Variants in ZNF705G observed in about 807,000 individuals in gnomAD.
ZNF705G encodes zinc finger protein 705G, also known as putative zinc finger protein 705G.
In ZNF705G, 23 loss-of-function variants were observed where a neutral mutation model predicts 19.6. The ratio of observed to expected loss-of-function variants is 1.17; its 90% CI spans 0.84 to 1.66. The LOEUF is 1.66. ZNF705G is among the 40% of genes most tolerant of loss of function. The probability of loss-of-function intolerance (pLI) is 0.00; values close to 1 mark genes in which losing one functional copy is unlikely to be tolerated. For missense variants in ZNF705G, 457 were observed against 354.4 expected, an observed-to-expected ratio of 1.29 and a Z score of -2.32; for synonymous variants, 146 against 117.7, an observed-to-expected ratio of 1.24 and a Z score of -1.56.
At chr8:7,381,026 C>A (rs866722000) in intron 2 of ZNF705G, among the ~76,000 whole-genome samples, 1,436 of 12,298 alleles carry the variant, frequency 0.12, 431 homozygotes, top group Middle Eastern at 0.36. Flanking sequence ...AAACCACCAC[C>A]AAAAAAAAAA....
At position 7,367,621 on chromosome 8, in the gene ZNF705G, C is replaced by G. The variant is rs527535431; in HGVS notation, c.-71-4604G>C. Among the ~76,000 whole-genome samples the G allele has an allele frequency of 9.4e-5, 14 of 149,646 alleles. 1 individual carries two copies. The South Asian group carries it at 1.9e-3, about 20-fold the overall frequency. On this transcript the variant is annotated intron_variant, in intron 2 of 6. Coordinates refer to ENST00000400156, the MANE Select transcript of ZNF705G (RefSeq NM_001164457.3). ...AATCACGGGAAAGAGGAAAACCCAA[C>G]GCAGGATCAAGGTTAAAGGCTCTTC...
At chr8:7,370,243 C>A (rs374121212) in intron 2 of ZNF705G, among the ~76,000 whole-genome samples, 6 of 144,842 alleles carry the variant, frequency 4.1e-5, no homozygotes, top group Non-Finnish European at 8.9e-5. Flanking sequence ...TGCACTCCAG[C>A]CTGTGTGACA....
At position 7,367,445 on chromosome 8, in the gene ZNF705G, G is replaced by C. The variant is rs1462033322; in HGVS notation, c.-71-4428C>G. 2.7e-5 allele frequency among the ~76,000 whole-genome samples: 4 copies of C among 149,486 alleles called. 1 individual carries two copies. Among genetic ancestry groups the C allele is most frequent in the African/African-American group, 1.0e-4 (4 of 38,888 alleles). ...GCGTGCATGTTAAGAGACAAAAATG[G>C]CAAAGCATAATCTTCCGGGGGCACG... On this transcript the variant is annotated intron_variant, in intron 2 of 6. Coordinates refer to ENST00000400156, the MANE Select transcript of ZNF705G (RefSeq NM_001164457.3).
chr8:7,376,349 T>A (rs1435141421), intron 2 of ZNF705G, among the ~76,000 whole-genome samples: 1 of 94,000 alleles, frequency 1.1e-5, no homozygotes, highest in East Asian at 3.5e-4. Flanking sequence ...ATCGCTGTAC[T>A]GATTGAAAGC....
rs1806325836 is a variant in ZNF705G at position 7,357,439 on chromosome 8, A to G, written c.*537T>C. On this transcript the variant is annotated 3_prime_UTR_variant, in exon 7 of 7. Coordinates refer to ENST00000400156, the MANE Select transcript of ZNF705G (RefSeq NM_001164457.3). ...AAAATACAAATAAAGGGTTCATCCA[A>G]GTAAAGTTTTCTCATGTTATTTGAC... 2 of 166,580 alleles carry G rather than the reference A, an allele frequency of 1.2e-5. 1 individual carries two copies. The highest frequency in any genetic ancestry group is 5.1e-5 in the African/African-American group (2 of 39,272). 10.3% of individuals were successfully genotyped at this position (166,580 alleles called of 1,614,324 possible). A position where few individuals can be genotyped will look rare whatever the true frequency, so the allele number is the denominator to read the frequency against.
chr8:7,357,900 G>A lies in ZNF705G; in HGVS notation c.*76C>T, dbSNP rs924018741. On this transcript the variant is annotated 3_prime_UTR_variant, in exon 7 of 7. Transcript: ENST00000400156. ...GGGTGAATTTTCTGATGCTCTTTAA[G>A]ATTAGTACATTGTCTGAAGGCTTTC... 1.9e-6 allele frequency: 3 copies of A among 1,590,628 alleles called. No homozygotes were observed. Among genetic ancestry groups the A allele is most frequent in the African/African-American group, 2.9e-5 (2 of 68,378 alleles).
chr8:7,362,029 C>T (rs1202533619), intron 3 of ZNF705G, among the ~76,000 whole-genome samples: 1 of 149,516 alleles, frequency 6.7e-6, no homozygotes, highest in Non-Finnish European at 1.5e-5. Flanking sequence ...GCTTTCTGTT[C>T]TCAACTTTCT....
At chr8:7,365,477 C>G (rs1266280175) in intron 2 of ZNF705G, among the ~76,000 whole-genome samples, 4 of 146,948 alleles carry the variant, frequency 2.7e-5, no homozygotes, top group Admixed American at 1.3e-4. Flanking sequence ...CTCCCGGGTT[C>G]AAGCAATTCT....
At chr8:7,364,068 G>T (rs1246705244) in intron 2 of ZNF705G, among the ~76,000 whole-genome samples, 2 of 149,388 alleles carry the variant, frequency 1.3e-5, no homozygotes, top group Non-Finnish European at 2.9e-5. Flanking sequence ...TACTAACGTG[G>T]TATCTAAAAT....
chr8:7,366,832 C>T (rs9314627), intron 2 of ZNF705G, among the ~76,000 whole-genome samples: 54,645 of 146,780 alleles, frequency 0.37, 5,391 homozygotes, highest in African/African-American at 0.5. Context: ...ATGCCCAACA[C>T]GATTTTCTGT....
Position 7,358,431 on chromosome 8 carries a change from C to T in ZNF705G, c.448G>A (p.Gly150Arg). 6.2e-7 allele frequency: 1 copy of T among 1,607,610 alleles called. No homozygotes were observed. Among genetic ancestry groups the T allele is most frequent in the Non-Finnish European group, 8.5e-7 (1 of 1,179,592 alleles). Residue 150 changes from glycine to arginine, a missense_variant, in exon 7 of 7, where the codon GGA becomes AGA. Transcript: ENST00000400156. ...GACAAAAGATTACGAAGGGATTTTCCACACTGTTTGCTGACATAGGGTTTC... is the reference window on the plus strand; with the variant it reads ...GACAAAAGATTACGAAGGGATTTTCTACACTGTTTGCTGACATAGGGTTTC... ...GKKPYVSKQC[G>R]KSLRNLLSTE...
intron 2 of ZNF705G, among the ~76,000 whole-genome samples, chr8:7,365,687 C>A (rs1210524159): frequency 1.3e-5 from 2 of 149,468 alleles, no homozygotes; most frequent in African/African-American, 5.1e-5. Context: ...CTTAAAAAGT[C>A]AAGAGGAAGG....
chr8:7,361,241 A>G lies in ZNF705G; in HGVS notation c.13-5T>C, dbSNP rs1427803961. ...ATCTTCAAAAGTCAGTTTCTTCTAA[A>G]ACATCACAGACATTTTAGTTTAGAC... is the stretch of plus-strand genomic sequence containing the variant. On this transcript the variant is annotated splice_region_variant and splice_polypyrimidine_tract_variant and intron_variant, in intron 3 of 6. Transcript: ENST00000400156. 9 of 1,592,416 alleles carry G rather than the reference A, an allele frequency of 5.7e-6. No individual in the cohort carries two copies. Among genetic ancestry groups the G allele is most frequent in the African/African-American group, 1.4e-5 (1 of 70,812 alleles).
rs1806203552 is a variant in ZNF705G, at chr8:7,355,948, T to C, written c.*2028A>G. 2 of 149,666 alleles carry C rather than the reference T, an allele frequency of 1.3e-5. No homozygotes were observed. Among genetic ancestry groups the C allele is most frequent in the Non-Finnish European group, 2.9e-5 (2 of 68,038 alleles). The allele number at this position is 149,666 out of a possible 1,614,324, so 9.3% of individuals were successfully genotyped here. ...AATCACTTGTAGAGATTTTAAAATA[T>C]AATGATGTGTCAACTTCAACCATGG... On this transcript the variant is annotated 3_prime_UTR_variant, in exon 7 of 7. Transcript: ENST00000400156.
chr8:7,358,367 G>A lies in ZNF705G; in HGVS notation c.512C>T (p.Ser171Leu), dbSNP rs1165915240. ...CTTTTCACATAGATTACACTGATAT[G>A]ATTTACCTTTAGTATGAATTTGTTT... ...PHKQIHTKGK[S>L]YQCNLCEKAY... Residue 171 changes from serine to leucine, a missense_variant, in exon 7 of 7, where the codon TCA becomes TTA. Transcript: ENST00000400156. 1 of 1,607,602 alleles carries A rather than the reference G, an allele frequency of 6.2e-7. No individual in the cohort carries two copies. Among genetic ancestry groups the A allele is most frequent in the Non-Finnish European group, 8.5e-7 (1 of 1,179,616 alleles).
At chr8:7,361,887 T>C (rs1312249252) in intron 3 of ZNF705G, among the ~76,000 whole-genome samples, 12 of 149,354 alleles carry the variant, frequency 8.0e-5, no homozygotes, top group South Asian at 4.2e-4. Context: ...TCAATTCATA[T>C]ATATAGTCTC....
rs575967862 is a variant in ZNF705G at position 7,362,194 on chromosome 8, A to G, written c.12+741T>C. 3.6e-3 allele frequency among the ~76,000 whole-genome samples: 545 copies of G among 149,706 alleles called. 62 individuals carry two copies. The highest frequency in any genetic ancestry group is 0.013 in the African/African-American group (495 of 39,118). On this transcript the variant is annotated intron_variant, in intron 3 of 6. Transcript: ENST00000400156. ...AACCCTAAATTGTACTCTATCTACT[A>G]TATTCCTTCTTCTGAGTGTGCAACC...
chr8:7,383,959 G>A lies in ZNF705G; in HGVS notation c.-222+1539C>T, dbSNP rs576909938. ...GAAGGAAGGCAGGGAGGAAACTCAG[G>A]GATGCATACCTTTCGACCTCTCTAA... On this transcript the variant is annotated intron_variant, in intron 1 of 6. Coordinates refer to ENST00000400156, the MANE Select transcript of ZNF705G (RefSeq NM_001164457.3). 1.9e-3 allele frequency among the ~76,000 whole-genome samples: 264 copies of A among 140,878 alleles called. 1 individual carries two copies. Among genetic ancestry groups the A allele is most frequent in the East Asian group, 0.017 (86 of 5,080 alleles). The allele number at this position is 140,878 out of a possible 152,430, so 92.4% of individuals were successfully genotyped here.
In ZNF705G at chr8:7,362,956, C is replaced by A. The variant is rs757392331; in HGVS notation, c.-10G>T. 6.3e-7 allele frequency: 1 copy of A among 1,590,762 alleles called. No homozygotes were observed. Among genetic ancestry groups the A allele is most frequent in the Admixed American group, 1.7e-5 (1 of 59,898 alleles). ...TCACTAGTGAATGCATTGTCAGGAACTCAGTTTCTCTCTGTCTTCCTCTGG... is the reference window on the plus strand; with the variant it reads ...TCACTAGTGAATGCATTGTCAGGAAATCAGTTTCTCTCTGTCTTCCTCTGG... On this transcript the variant is annotated 5_prime_UTR_variant, in exon 3 of 7. Coordinates refer to ENST00000400156, the MANE Select transcript of ZNF705G (RefSeq NM_001164457.3).
Sources: allele counts gnomAD v4.1 joint callset (sites outside exome capture counted in the v4.1 genomes callset), GRCh38; gene constraint gnomAD v4.1.1; transcripts MANE v1.5; gene names NCBI Gene and HGNC (gene_info 2026-07-23, HGNC 2026-07-21).